The following COLQ variants were observed in gnomAD, a reference collection of about 807,000 sequenced individuals.
COLQ encodes the protein collagen like tail subunit of asymmetric acetylcholinesterase.
A neutral mutation model predicts 69.0 loss-of-function variants in COLQ; 48 were observed. The observed-to-expected ratio is 0.70, with a 90% CI of 0.55 to 0.88. The LOEUF is 0.88. COLQ is among the 40% of genes least tolerant of loss of function. COLQ has a pLI of 0.00. For missense variants in COLQ, 618 were observed against 594.6 expected (o/e 1.04, Z -0.41); for synonymous variants, 217 against 211.2 (o/e 1.03, Z -0.24).
rs1162604407 is a variant in COLQ at position 15,474,243 on chromosome 3, A to G, written c.585T>C (p.Gly195=). The G allele has an allele frequency of 6.2e-7, 1 of 1,613,922 alleles. No homozygotes were observed. The highest frequency in any genetic ancestry group is 8.5e-7 in the Non-Finnish European group (1 of 1,179,880). The change falls in exon 9 of 17, where the codon GGT becomes GGC. Residue 195 remains glycine, a synonymous_variant. Coordinates refer to ENST00000383788, the MANE Select transcript of COLQ (RefSeq NM_005677.4). The part of the protein sequence containing the change: ...KGSRGEKGDL[G]PKGEKGFPGF... ...TCTCCATTACCTTTTCTCCTTTGGG[A>G]CCCAGGTCACCCTTTTCACCTCTGG...
intron 3 of COLQ, among the ~76,000 whole-genome samples, chr3:15,486,959 C>G (rs779958521): frequency 6.6e-5 from 10 of 152,188 alleles, no homozygotes; most frequent in Non-Finnish European, 1.3e-4. Flanking sequence ...CAGCCACAGA[C>G]AATAAAACTT....
chr3:15,480,459 G>T (rs1203240931), intron 3 of COLQ, among the ~76,000 whole-genome samples: 4 of 151,932 alleles, frequency 2.6e-5, no homozygotes, highest in African/African-American at 9.7e-5. Flanking sequence ...GCGATAGTTT[G>T]CTCAGAATGA....
At chr3:15,505,366 G>A (rs1367176268) in intron 1 of COLQ, among the ~76,000 whole-genome samples, 2 of 152,096 alleles carry the variant, frequency 1.3e-5, no homozygotes, top group Non-Finnish European at 2.9e-5. Flanking sequence ...ATCTCGTGTC[G>A]GTCATTATTT....
At chr3:15,512,787 C>T (rs889203449) in intron 1 of COLQ, among the ~76,000 whole-genome samples, 1 of 152,212 alleles carries the variant, frequency 6.6e-6, no homozygotes, top group African/African-American at 2.4e-5. Context: ...ACCACTTAAT[C>T]CTTACAACTT....
At chr3:15,482,120 T>C (rs777783597) in intron 3 of COLQ, among the ~76,000 whole-genome samples, 2 of 152,200 alleles carry the variant, frequency 1.3e-5, no homozygotes, top group African/African-American at 4.8e-5. Context: ...TGGGCTGAGA[T>C]GATGGGGTTT....
chr3:15,477,023 TGAA>T, intron 6 of COLQ, 100 bp downstream of exon 6: 1 of 1,141,282 alleles, frequency 8.8e-7, no homozygotes, highest in Non-Finnish European at 1.3e-6. Context: ...TTCCCCCTCT[TGAA>T]GAAGGGATTC....
At chr3:15,498,637 A>G in intron 1 of COLQ, 2 of 1,551,380 alleles carry the variant, frequency 1.3e-6, no homozygotes, top group South Asian at 1.2e-5. Flanking sequence ...AGCCGGAGAC[A>G]GGCTGAGATT....
intron 10 of COLQ, among the ~76,000 whole-genome samples, chr3:15,470,837 G>A (rs1393345789): frequency 1.3e-4 from 20 of 152,166 alleles, no homozygotes; most frequent in Non-Finnish European, 1.8e-4. Flanking sequence ...ATTCTGAGTG[G>A]GTTATCTGTT....
chr3:15,474,161 G>T (rs991219045), intron 9 of COLQ, 67 bp downstream of exon 9: 28 of 1,595,696 alleles, frequency 1.8e-5, no homozygotes, highest in Non-Finnish European at 2.4e-5. Context: ...GTCCACGGAT[G>T]GGGGTGGGTG....
intron 12 of COLQ, 91 bp from the exon 13 acceptor site, chr3:15,458,416 AG>A: frequency 6.9e-7 from 1 of 1,447,020 alleles, no homozygotes; most frequent in Non-Finnish European, 9.7e-7. Context: ...AACAGAAAAA[AG>A]GTTAAAGTCC....
At chr3:15,486,708 G>A (rs777604988) in intron 3 of COLQ, among the ~76,000 whole-genome samples, 1 of 152,134 alleles carries the variant, frequency 6.6e-6, no homozygotes, top group African/African-American at 2.4e-5. Context: ...GCCAACTCTG[G>A]GTTCAAAGTC....
At chr3:15,495,372 T>G (rs946187662) in intron 1 of COLQ, among the ~76,000 whole-genome samples, 1 of 152,190 alleles carries the variant, frequency 6.6e-6, no homozygotes, top group African/African-American at 2.4e-5. Context: ...CTGAATTGGA[T>G]GCCATCAGGA....
intron 16 of COLQ, among the ~76,000 whole-genome samples, chr3:15,453,082 T>C (rs572523141): frequency 6.6e-6 from 1 of 152,318 alleles, no homozygotes; most frequent in South Asian, 2.1e-4. Flanking sequence ...GAGAACGTTG[T>C]ACAACTCTGG....
chr3:15,499,006 A>ATTTTTAATG, intron 1 of COLQ: 1 of 1,082,108 alleles, frequency 9.2e-7, no homozygotes, highest in Non-Finnish European at 1.1e-6. Context: ...CTGCTCTGGT[A>ATTTTTAATG]AGCCTCAAAG....
chr3:15,493,151 G>A lies in COLQ; in HGVS notation c.107-3514C>T, dbSNP rs114647655. The stretch of plus-strand genomic sequence containing the variant: ...TTAGACAGGAAGACTTCCAGACCAC[G>A]AAAATATCTGGGGAAGTCATGCATA... On this transcript the variant is annotated intron_variant, in intron 1 of 16. Coordinates refer to ENST00000383788, the MANE Select transcript of COLQ (RefSeq NM_005677.4). Among the ~76,000 whole-genome samples, 379 of 152,284 alleles carry A rather than the reference G, an allele frequency of 2.5e-3. 2 individuals are homozygous for A. The highest frequency in any genetic ancestry group is 8.4e-3 in the African/African-American group (351 of 41,546).
rs73818509 is a variant in COLQ at position 15,455,818 on chromosome 3, C to T, written c.1195+81G>A. Reference sequence around the variant, plus strand: ...GCTCTAGAAAGGTCCCAAAGCACCACAGCTGGTGTCCAGGGCTGGCCCTGA... The same window carrying T: ...GCTCTAGAAAGGTCCCAAAGCACCATAGCTGGTGTCCAGGGCTGGCCCTGA... On this transcript the variant is annotated intron_variant, in intron 15 of 16. Coordinates refer to ENST00000383788, the MANE Select transcript of COLQ (RefSeq NM_005677.4). The T allele has an allele frequency of 3.1e-6, 5 of 1,588,764 alleles. No individual in the cohort carries two copies. The East Asian group carries it at 6.8e-5, about 21-fold the overall frequency.
intron 1 of COLQ, among the ~76,000 whole-genome samples, chr3:15,493,046 G>A (rs2062695989): frequency 1.3e-5 from 2 of 152,184 alleles, no homozygotes; most frequent in African/African-American, 4.8e-5. Context: ...AGGAACAACA[G>A]GTGGCCACCA....
At chr3:15,502,706 G>A (rs998957378) in intron 1 of COLQ, among the ~76,000 whole-genome samples, 1 of 152,080 alleles carries the variant, frequency 6.6e-6, no homozygotes, top group East Asian at 1.9e-4. Flanking sequence ...GAGCCACCAC[G>A]CCCGGCCTAA....
chr3:15,493,697 G>A (rs1372988744), intron 1 of COLQ, among the ~76,000 whole-genome samples: 1 of 152,370 alleles, frequency 6.6e-6, no homozygotes, highest in Non-Finnish European at 1.5e-5. Context: ...CTCAGACCCA[G>A]TCTTTAGCAG....
Sources: allele counts gnomAD v4.1 joint callset (sites outside exome capture counted in the v4.1 genomes callset), GRCh38; gene constraint gnomAD v4.1.1; transcripts MANE v1.5; gene names NCBI Gene and HGNC (gene_info 2026-07-23, HGNC 2026-07-21).